BCAT1: variants seen among roughly 807,000 people sequenced by gnomAD.
The protein encoded by BCAT1 is branched chain amino acid transaminase 1.
BCAT1 carries 48 observed loss-of-function variants against 52.4 expected under a neutral mutation model. The ratio of observed to expected loss-of-function variants is 0.92; its 90% confidence interval spans 0.73 to 1.16. The LOEUF (loss-of-function observed/expected upper bound fraction) is 1.16, where lower values mean the gene tolerates loss of function less well. BCAT1 is among the 50% of genes most tolerant of loss of function. The pLI, the probability that BCAT1 is intolerant of heterozygous loss-of-function variation, is 0.00. For synonymous variants in BCAT1, 167 were observed against 161.3 expected, an observed-to-expected ratio of 1.04 and a Z score of -0.27; for missense variants, 451 against 457.1, an observed-to-expected ratio of 0.99 and a Z score of 0.12.
chr12:24,815,260 CATT>C lies in BCAT1; in HGVS notation c.*2745_*2747del, dbSNP rs1218209363. The C allele has an allele frequency of 6.6e-6, 1 of 152,296 alleles. No homozygotes were observed. The highest frequency in any genetic ancestry group is 1.5e-5 in the Non-Finnish European group (1 of 68,014). 9.4% of individuals were successfully genotyped at this position (152,296 alleles called of 1,614,324 possible). A position where few individuals can be genotyped will look rare whatever the true frequency, so the allele number is the denominator to read the frequency against. On this transcript the variant is annotated 3_prime_UTR_variant, in exon 11 of 11. Transcript: ENST00000261192. The stretch of plus-strand genomic sequence containing the variant: ...AAGAGAACATGCAATATAAGTTAAT[CATT>C]ATCATTTTAAGTGCCACCAGTTCTG...
At chr12:24,935,361 A>G (rs574874559) in intron 1 of BCAT1, among the ~76,000 whole-genome samples, 3 of 152,310 alleles carry the variant, frequency 2.0e-5, no homozygotes, top group East Asian at 3.9e-4. Flanking sequence ...AGAGAGCTCT[A>G]CATGTGTTTC....
chr12:24,933,522 GCT>G lies in BCAT1; in HGVS notation c.6+15403_6+15404del, dbSNP rs149172943. The stretch of plus-strand genomic sequence containing the variant: ...TCACCCTCTGATATGGTTTGGTTTG[GCT>G]CTGTGTCCCTACTCAAACCTCATGT... On this transcript the variant is annotated intron_variant, in intron 1 of 10. Coordinates refer to ENST00000261192, the MANE Select transcript of BCAT1 (RefSeq NM_005504.7). 4.5e-4 allele frequency among the ~76,000 whole-genome samples: 68 copies of G among 152,196 alleles called. No homozygotes were observed. In the East Asian group the frequency reaches 0.013, roughly 29 times the overall value.
intron 1 of BCAT1, chr12:24,902,973 G>C: frequency 6.7e-7 from 1 of 1,497,036 alleles, no homozygotes; most frequent in Non-Finnish European, 8.9e-7. Flanking sequence ...GCAGCGGAGC[G>C]AAGCGGGCTG....
intron 1 of BCAT1, among the ~76,000 whole-genome samples, chr12:24,921,302 C>T (rs1446209365): frequency 6.6e-6 from 1 of 152,150 alleles, no homozygotes; most frequent in Non-Finnish European, 1.5e-5. Flanking sequence ...GAACAAAGAC[C>T]ACATATATGT....
chr12:24,874,148 T>C (rs1370598358), intron 5 of BCAT1, among the ~76,000 whole-genome samples: 2 of 152,064 alleles, frequency 1.3e-5, no homozygotes, highest in Non-Finnish European at 2.9e-5. Flanking sequence ...ACCCCGTCTC[T>C]ACTAAAAGTA....
At position 24,865,935 on chromosome 12, in the gene BCAT1, C is replaced by A. The variant is rs940209372; in HGVS notation, c.510+12595G>T. 1.1e-4 allele frequency among the ~76,000 whole-genome samples: 17 copies of A among 152,382 alleles called. No individual in the cohort carries two copies. In the East Asian group the frequency reaches 2.5e-3, roughly 22 times the overall value. On this transcript the variant is annotated intron_variant, in intron 5 of 10. Coordinates refer to ENST00000261192, the MANE Select transcript of BCAT1 (RefSeq NM_005504.7). ...GCTGGCAGCCCTCCCAGCCCTCACT[C>A]GCTCTCGGTGCCTCCTCGGCCTCGG...
chr12:24,852,806 AG>A (rs1941554305), intron 5 of BCAT1, among the ~76,000 whole-genome samples: 1 of 152,236 alleles, frequency 6.6e-6, no homozygotes, highest in African/African-American at 2.4e-5. Flanking sequence ...AATTTAACCA[AG>A]GTCAATTCAT....
chr12:24,820,739 A>G (rs920497657), intron 10 of BCAT1, among the ~76,000 whole-genome samples: 1 of 152,188 alleles, frequency 6.6e-6, no homozygotes, highest in African/African-American at 2.4e-5. Context: ...TCTTTTGCAA[A>G]TTCCAGCGAG....
At chr12:24,868,137 C>T (rs986371743) in intron 5 of BCAT1, among the ~76,000 whole-genome samples, 1 of 152,162 alleles carries the variant, frequency 6.6e-6, no homozygotes, top group East Asian at 1.9e-4. Flanking sequence ...CCTCAGAAAA[C>T]GTACACCTCA....
At chr12:24,837,039 A>AG (rs200414232) in intron 7 of BCAT1, among the ~76,000 whole-genome samples, 8,754 of 134,116 alleles carry the variant, frequency 0.065, 783 homozygotes, top group Non-Finnish European at 0.098. Flanking sequence ...AAAGAAAGAA[A>AG]AAAGAAAAGA....
intron 5 of BCAT1, among the ~76,000 whole-genome samples, chr12:24,850,315 T>G (rs547150944): frequency 7.2e-5 from 11 of 152,296 alleles, no homozygotes; most frequent in Admixed American, 5.2e-4. Flanking sequence ...TAGACATGGT[T>G]TTAGGCTTTG....
chr12:24,890,539 G>A (rs1368717286), intron 3 of BCAT1, among the ~76,000 whole-genome samples: 4 of 152,172 alleles, frequency 2.6e-5, no homozygotes, highest in Admixed American at 6.5e-5. Context: ...GGCCGTCCTC[G>A]CTGCTCATTA....
chr12:24,878,475 T>G, intron 5 of BCAT1, 55 bp downstream of exon 5: 2 of 1,515,726 alleles, frequency 1.3e-6, no homozygotes, highest in South Asian at 2.6e-5. Flanking sequence ...CAAACAACAA[T>G]AAACAATAAT....
chr12:24,830,864 CA>C (rs1443744722), intron 9 of BCAT1: 2 of 152,162 alleles, frequency 1.3e-5, no homozygotes, highest in Admixed American at 1.3e-4. Flanking sequence ...ATGTCAAGAG[CA>C]ATCCCTTAAA....
chr12:24,875,146 A>C (rs1839267567), intron 5 of BCAT1, among the ~76,000 whole-genome samples: 1 of 152,188 alleles, frequency 6.6e-6, no homozygotes, highest in African/African-American at 2.4e-5. Context: ...AAAGAATCCC[A>C]GCAAACCTGA....
intron 8 of BCAT1, 98 bp downstream of exon 8, chr12:24,836,413 G>T: frequency 9.7e-7 from 1 of 1,034,266 alleles, no homozygotes; most frequent in Non-Finnish European, 1.4e-6. Flanking sequence ...GATAACATTG[G>T]TTGGAACCAC....
At chr12:24,868,720 C>A (rs1459074778) in intron 5 of BCAT1, among the ~76,000 whole-genome samples, 1 of 152,048 alleles carries the variant, frequency 6.6e-6, no homozygotes, top group Non-Finnish European at 1.5e-5. Flanking sequence ...ACCTGTATGA[C>A]CTTGGAGTAA....
intron 1 of BCAT1, among the ~76,000 whole-genome samples, chr12:24,946,405 C>T (rs1943933006): frequency 6.6e-6 from 1 of 152,028 alleles, no homozygotes; most frequent in Non-Finnish European, 1.5e-5. Context: ...AACGAAACAC[C>T]AAATCAAGTT....
rs1327771276 is a variant in BCAT1 at position 24,810,990 on chromosome 12, G to T, written c.*7018C>A. The T allele has an allele frequency of 6.6e-6, 1 of 152,134 alleles. No homozygotes were observed. The highest frequency in any genetic ancestry group is 1.5e-5 in the Non-Finnish European group (1 of 68,018). 9.4% of individuals were successfully genotyped at this position (152,134 alleles called of 1,614,324 possible). A position where few individuals can be genotyped will look rare whatever the true frequency, so the allele number is the denominator to read the frequency against. On this transcript the variant is annotated 3_prime_UTR_variant, in exon 11 of 11. Transcript: ENST00000261192. ...CTAGTTAACCACATATAGAAGTATG[G>T]TGTTTATCAGTGATGTAGATCCATT...
Sources: gnomAD v4.1 joint callset for allele counts (sites outside exome capture counted in the v4.1 genomes callset) on GRCh38, gnomAD v4.1.1 for gene constraint, MANE v1.5 for transcripts, NCBI Gene and HGNC (gene_info 2026-07-23, HGNC 2026-07-21) for gene names.